Variants in PKNOX2 observed in about 807,000 individuals in gnomAD.
The protein encoded by PKNOX2 is PBX/knotted 1 homeobox 2.
Under a neutral mutation model 53.1 loss-of-function variants are expected in PKNOX2, and 14 were observed. The observed-to-expected ratio is 0.26, with a 90% confidence interval of 0.17 to 0.41. The LOEUF (loss-of-function observed/expected upper bound fraction) is 0.41. PKNOX2 is among the 10% of genes least tolerant of loss of function. PKNOX2 has a pLI of 1.00. For missense variants in PKNOX2, 496 were observed against 602.8 expected (o/e 0.82, Z 1.85); for synonymous variants, 257 against 242.8 (o/e 1.06, Z -0.54).
intron 2 of PKNOX2, among the ~76,000 whole-genome samples, chr11:125,315,795 T>C (rs1949147674): frequency 6.6e-6 from 1 of 152,050 alleles, no homozygotes; most frequent in Admixed American, 6.5e-5. Flanking sequence ...GAGACCACAG[T>C]GCCCCCATGG....
At position 125,284,974 on chromosome 11, in the gene PKNOX2, G is replaced by C. The variant is rs59772907; in HGVS notation, c.-129-46845G>C. Among the ~76,000 whole-genome samples the C allele has an allele frequency of 2.4e-3, 369 of 152,124 alleles. 1 individual carries two copies. Among genetic ancestry groups the C allele is most frequent in the African/African-American group, 8.3e-3 (346 of 41,488 alleles). On this transcript the variant is annotated intron_variant, in intron 2 of 12. Transcript: ENST00000298282. ...GCTTGCTTGGGGACTGATTGAGTGG[G>C]AGGCTTTGTTCTACCTTGAGAGCAG...
chr11:125,295,496 G>A (rs1357808288), intron 2 of PKNOX2, among the ~76,000 whole-genome samples: 1 of 152,246 alleles, frequency 6.6e-6, no homozygotes, highest in African/African-American at 2.4e-5. Flanking sequence ...CACTCTCAGA[G>A]CCAGAGAGCA....
chr11:125,266,404 C>A (rs1281944148), intron 2 of PKNOX2, among the ~76,000 whole-genome samples: 1 of 152,150 alleles, frequency 6.6e-6, no homozygotes, highest in East Asian at 1.9e-4. Flanking sequence ...GTGTGATGTC[C>A]TTGATTCTTG....
intron 5 of PKNOX2, among the ~76,000 whole-genome samples, chr11:125,369,956 G>A (rs1251443252): frequency 6.6e-6 from 1 of 152,078 alleles, no homozygotes; most frequent in African/African-American, 2.4e-5. Context: ...AGGCTCTTAA[G>A]GCTCACTCAG....
At chr11:125,290,560 G>A (rs561723383) in intron 2 of PKNOX2, among the ~76,000 whole-genome samples, 4 of 152,296 alleles carry the variant, frequency 2.6e-5, no homozygotes, top group African/African-American at 9.6e-5. Context: ...TGCAGGCCTT[G>A]GGACACCCTT....
chr11:125,415,242 T>TC (rs1202197327), intron 10 of PKNOX2, among the ~76,000 whole-genome samples: 1 of 148,618 alleles, frequency 6.7e-6, no homozygotes, highest in East Asian at 2.0e-4. Flanking sequence ...AGCTTTTTTT[T>TC]TTTTTTTTTT....
chr11:125,328,382 AGT>A (rs1475730010), intron 2 of PKNOX2, among the ~76,000 whole-genome samples: 1 of 137,960 alleles, frequency 7.2e-6, no homozygotes, highest in Non-Finnish European at 1.6e-5. Context: ...AGAGAGAGTG[AGT>A]GAGAGAGAAA....
chr11:125,271,396 C>T (rs1205936283), intron 2 of PKNOX2, among the ~76,000 whole-genome samples: 2 of 152,200 alleles, frequency 1.3e-5, no homozygotes, highest in African/African-American at 2.4e-5. Flanking sequence ...CTGAATTCTC[C>T]CTGAATACAG....
intron 2 of PKNOX2, among the ~76,000 whole-genome samples, chr11:125,259,856 C>A (rs897089459): frequency 1.3e-5 from 2 of 152,014 alleles, no homozygotes; most frequent in South Asian, 2.1e-4. Flanking sequence ...GCCATCCCAC[C>A]CCCATTCTTT....
At chr11:125,220,595 T>C (rs1254773841) in intron 1 of PKNOX2, among the ~76,000 whole-genome samples, 3 of 152,082 alleles carry the variant, frequency 2.0e-5, no homozygotes, top group Admixed American at 6.5e-5. Flanking sequence ...AAGGAAACAA[T>C]GGCAGGTCAC....
chr11:125,339,040 T>C (rs542529737), intron 3 of PKNOX2, among the ~76,000 whole-genome samples: 1 of 152,324 alleles, frequency 6.6e-6, no homozygotes, highest in Admixed American at 6.5e-5. Flanking sequence ...CCTCTGTGTC[T>C]GAGAGCAGCT....
chr11:125,303,452 G>T (rs1948213929), intron 2 of PKNOX2, among the ~76,000 whole-genome samples: 1 of 152,056 alleles, frequency 6.6e-6, no homozygotes, highest in South Asian at 2.1e-4. Context: ...CAGGCCCCAG[G>T]CTCGGGAAAG....
Position 125,410,285 on chromosome 11 carries a change from C to G in PKNOX2, c.678C>G (p.Gly226=), listed in dbSNP as rs1340067704. The G allele has an allele frequency of 6.2e-7, 1 of 1,614,118 alleles. No individual in the cohort carries two copies. Among genetic ancestry groups the G allele is most frequent in the Non-Finnish European group, 8.5e-7 (1 of 1,179,996 alleles). ...IVVPASALQQ[G]NIAMTTVNSQ... ...TCCCAGCCTCAGCGCTCCAGCAGGG[C>G]AACATCGCCATGACAACCGTCAACT... Residue 226 remains glycine (G), a synonymous_variant, in exon 8 of 13, where the codon GGC becomes GGG. Coordinates refer to ENST00000298282, the MANE Select transcript of PKNOX2 (RefSeq NM_001382323.2).
intron 4 of PKNOX2, among the ~76,000 whole-genome samples, chr11:125,355,128 A>G (rs1951531950): frequency 6.6e-6 from 1 of 152,044 alleles, no homozygotes; most frequent in Non-Finnish European, 1.5e-5. Context: ...GTAGCCAGAC[A>G]TGGTGGCACA....
intron 1 of PKNOX2, among the ~76,000 whole-genome samples, chr11:125,232,726 A>C (rs1565475069): frequency 1.3e-5 from 2 of 152,202 alleles, no homozygotes; most frequent in African/African-American, 4.8e-5. Context: ...GTTGGGTACC[A>C]TATGGCTATT....
At chr11:125,299,868 A>G (rs1333663166) in intron 2 of PKNOX2, among the ~76,000 whole-genome samples, 1 of 152,206 alleles carries the variant, frequency 6.6e-6, no homozygotes, top group African/African-American at 2.4e-5. Flanking sequence ...GCTGTGGAAC[A>G]AACCAAAAGC....
At chr11:125,314,194 G>T (rs952140188) in intron 2 of PKNOX2, among the ~76,000 whole-genome samples, 2 of 152,148 alleles carry the variant, frequency 1.3e-5, no homozygotes, top group African/African-American at 2.4e-5. Context: ...GAGAATTTGG[G>T]GTTGGTGTCA....
intron 2 of PKNOX2, among the ~76,000 whole-genome samples, chr11:125,276,449 T>C (rs944206876): frequency 6.6e-6 from 1 of 152,144 alleles, no homozygotes; most frequent in African/African-American, 2.4e-5. Flanking sequence ...GTCCTTGAAA[T>C]GGCACGGGAG....
At chr11:125,244,154 G>A (rs2135623790) in intron 2 of PKNOX2, among the ~76,000 whole-genome samples, 1 of 152,336 alleles carries the variant, frequency 6.6e-6, no homozygotes, top group South Asian at 2.1e-4. Context: ...GTACTGCCTT[G>A]CAAATCACCC....
Sources: allele counts gnomAD v4.1 joint callset (sites outside exome capture counted in the v4.1 genomes callset), GRCh38; gene constraint gnomAD v4.1.1; transcripts MANE v1.5; gene names NCBI Gene and HGNC (gene_info 2026-07-23, HGNC 2026-07-21).